The following EPB41L4B variants were observed in gnomAD, a reference collection of about 807,000 sequenced individuals.
EPB41L4B encodes the protein band 4.1-like protein 4B.
In EPB41L4B, 30 loss-of-function variants were observed where a neutral mutation model predicts 112.5. The ratio of observed to expected loss-of-function variants is 0.27; its 90% CI spans 0.20 to 0.36. The LOEUF (loss-of-function observed/expected upper bound fraction) is 0.36, where lower values mean the gene tolerates loss of function less well. Ranked by LOEUF, EPB41L4B falls within the 10% of genes least tolerant of loss-of-function variation. The pLI is 1.00. For missense variants in EPB41L4B, 1,024 were observed against 1,133.3 expected, an observed-to-expected ratio of 0.90 and a Z score of 1.38; for synonymous variants, 408 against 439.7, an observed-to-expected ratio of 0.93 and a Z score of 0.90.
At chr9:109,236,418 T>TAA (rs35103664) in intron 15 of EPB41L4B, among the ~76,000 whole-genome samples, 1 of 140,804 alleles carries the variant, frequency 7.1e-6, no homozygotes, top group African/African-American at 2.6e-5. Context: ...TATGCCTATT[T>TAA]AAAAAAAAAA....
chr9:109,241,578 A>G (rs534533940), intron 15 of EPB41L4B: 2 of 1,584,686 alleles, frequency 1.3e-6, no homozygotes, highest in African/African-American at 1.3e-5. Context: ...TCGTCCAAAC[A>G]CATCCATCCA....
Position 109,203,668 on chromosome 9 carries a change from A to G in EPB41L4B, c.1941T>C (p.Ser647=). 1 of 1,612,676 alleles carries G rather than the reference A, an allele frequency of 6.2e-7. No individual in the cohort carries two copies. The highest frequency in any genetic ancestry group is 8.5e-7 in the Non-Finnish European group (1 of 1,178,684). ...TCAGACAAGGAGCAACAGACCTTAC[A>G]CTAGCGTCCTGAAGACTGGATTTCT... The part of the protein sequence containing the change: ...INKKSSLQDA[S]VRSPIPIRVE... The change falls in exon 19 of 26, where the codon AGT becomes AGC. Residue 647 remains serine (S), a synonymous_variant. Transcript: ENST00000374566.
intron 16 of EPB41L4B, among the ~76,000 whole-genome samples, chr9:109,214,959 T>C (rs1169286539): frequency 6.6e-6 from 1 of 152,124 alleles, no homozygotes; most frequent in African/African-American, 2.4e-5. Flanking sequence ...TATACAAAGA[T>C]GAGGCAGGGA....
chr9:109,174,324 T>A lies in EPB41L4B; in HGVS notation c.*230A>T. On this transcript the variant is annotated 3_prime_UTR_variant, in exon 26 of 26. Transcript: ENST00000374566. ...TTTCCCATCTTTCTTTTCCTAGACT[T>A]ATCAAATCCTGTCTCAACTACATAG... 1 of 460,902 alleles carries A rather than the reference T, an allele frequency of 2.2e-6. No homozygotes were observed. The highest frequency in any genetic ancestry group is 3.9e-6 in the Non-Finnish European group (1 of 254,108). The allele number at this position is 460,902 out of a possible 1,614,324, so 28.6% of individuals were successfully genotyped here. A position where few individuals can be genotyped will look rare whatever the true frequency, so the allele number is the denominator to read the frequency against.
intron 22 of EPB41L4B, among the ~76,000 whole-genome samples, chr9:109,190,802 T>G (rs891121666): frequency 6.6e-6 from 1 of 152,176 alleles, no homozygotes. Context: ...AAGGACTGGA[T>G]GAGATGGTCC....
chr9:109,258,524 T>C (rs573243605), intron 6 of EPB41L4B, among the ~76,000 whole-genome samples: 1 of 152,358 alleles, frequency 6.6e-6, no homozygotes, highest in East Asian at 1.9e-4. Context: ...AGCATCATCC[T>C]AGTTATTACT....
At chr9:109,197,239 A>G (rs1832672729) in intron 20 of EPB41L4B, among the ~76,000 whole-genome samples, 1 of 152,102 alleles carries the variant, frequency 6.6e-6, no homozygotes, top group Non-Finnish European at 1.5e-5. Context: ...CCTGGCCAAC[A>G]TGGGGAAACC....
intron 19 of EPB41L4B, among the ~76,000 whole-genome samples, chr9:109,203,374 T>C (rs1484088199): frequency 2.0e-5 from 3 of 152,122 alleles, no homozygotes; most frequent in Admixed American, 1.3e-4. Flanking sequence ...TTTAAAGGGC[T>C]TTAAGCAGGG....
chr9:109,308,936 C>T (rs952088070), intron 1 of EPB41L4B, among the ~76,000 whole-genome samples: 12 of 151,446 alleles, frequency 7.9e-5, no homozygotes, highest in Non-Finnish European at 1.3e-4. Context: ...AAAATTAGCG[C>T]GTGGTGGCGC....
intron 14 of EPB41L4B, 133 bp from the exon 15 acceptor site, chr9:109,243,815 G>A: frequency 1.3e-6 from 1 of 795,338 alleles, no homozygotes; most frequent in Non-Finnish European, 2.0e-6. Flanking sequence ...ACCCTGGCTA[G>A]GGGGTGGATG....
rs377256839 is a variant in EPB41L4B at position 109,236,733 on chromosome 9, G to GT, written c.1409+6884dup. On this transcript the variant is annotated intron_variant, in intron 15 of 25. Transcript: ENST00000374566. ...GCTTAGCTGAATGTCCATTTTACAT[G>GT]TTTGTCTTTTTGATATCCCCAGGGT... Among the ~76,000 whole-genome samples the GT allele has an allele frequency of 7.6e-4, 115 of 152,290 alleles. 2 individuals carry two copies. The highest frequency in any genetic ancestry group is 2.7e-3 in the African/African-American group (112 of 41,566).
chr9:109,317,060 G>A (rs182955533), intron 1 of EPB41L4B, among the ~76,000 whole-genome samples: 5 of 152,142 alleles, frequency 3.3e-5, no homozygotes, highest in Admixed American at 3.3e-4. Context: ...AGCTGTGGTC[G>A]TACTACTGCA....
In EPB41L4B at chr9:109,270,104, T is replaced by C. The variant is rs550822255; in HGVS notation, c.412-1671A>G. Among the ~76,000 whole-genome samples the C allele has an allele frequency of 3.7e-4, 56 of 152,270 alleles. 1 individual carries two copies. The highest frequency in any genetic ancestry group is 1.3e-3 in the African/African-American group (56 of 41,542). On this transcript the variant is annotated intron_variant, in intron 2 of 25. Transcript: ENST00000374566. ...TTATCTCATTGTTAATAGCTTTGAA[T>C]TGGAAATGACCTAAATGTCCATCAA...
intron 24 of EPB41L4B, among the ~76,000 whole-genome samples, chr9:109,180,832 G>T (rs1214431321): frequency 6.6e-6 from 1 of 152,170 alleles, no homozygotes; most frequent in Non-Finnish European, 1.5e-5. Flanking sequence ...GGAGGACAGA[G>T]TGAGAGGAAG....
chr9:109,317,491 G>A (rs1200862629), intron 1 of EPB41L4B, among the ~76,000 whole-genome samples: 1 of 152,220 alleles, frequency 6.6e-6, no homozygotes, highest in Non-Finnish European at 1.5e-5. Flanking sequence ...CCCAATAACT[G>A]TGGTCTGGAC....
At chr9:109,213,841 A>G (rs748248262) in intron 16 of EPB41L4B, 23 bp from the exon 17 acceptor site, 3 of 1,604,082 alleles carry the variant, frequency 1.9e-6, no homozygotes, top group Non-Finnish European at 2.6e-6. Context: ...CAGGAGAAAT[A>G]AATAAGGAAA....
intron 1 of EPB41L4B, among the ~76,000 whole-genome samples, chr9:109,294,158 T>G (rs1836644481): frequency 6.6e-6 from 1 of 151,400 alleles, no homozygotes; most frequent in African/African-American, 2.4e-5. Flanking sequence ...ACAAAAAAAT[T>G]AGCAGGCGTG....
At chr9:109,186,747 T>A (rs900331750) in intron 22 of EPB41L4B, among the ~76,000 whole-genome samples, 82 of 152,304 alleles carry the variant, frequency 5.4e-4, no homozygotes, top group African/African-American at 1.9e-3. Flanking sequence ...CCTCCCAAAG[T>A]ACTGGGATTA....
chr9:109,229,395 C>G (rs984581129), intron 15 of EPB41L4B, among the ~76,000 whole-genome samples: 18 of 152,222 alleles, frequency 1.2e-4, no homozygotes, highest in African/African-American at 3.9e-4. Flanking sequence ...CCAGCTGATG[C>G]AGTAGGAAAT....
Sources: gnomAD v4.1 joint callset for allele counts (sites outside exome capture counted in the v4.1 genomes callset) on GRCh38, gnomAD v4.1.1 for gene constraint, MANE v1.5 for transcripts, NCBI Gene and HGNC (gene_info 2026-07-23, HGNC 2026-07-21) for gene names.